The following DTNB variants were observed in gnomAD, a reference collection of about 807,000 sequenced individuals.
The protein encoded by DTNB is dystrobrevin beta, also known as DTN-B.
DTNB carries 63 observed loss-of-function variants against 90.7 expected under a neutral mutation model. The observed-to-expected ratio is 0.69, with a 90% CI of 0.57 to 0.86. The LOEUF (loss-of-function observed/expected upper bound fraction) is 0.86, where lower values mean the gene tolerates loss of function less well. Among genes scored for constraint, DTNB ranks in the 40% least tolerant of loss-of-function variants. The pLI is 0.00. For synonymous variants in DTNB, 277 were observed against 286.7 expected (o/e 0.97, Z 0.34); for missense variants, 744 against 807.1 (o/e 0.92, Z 0.95).
chr2:25,387,284 T>C lies in DTNB; in HGVS notation c.1825+5A>G. 6.2e-7 allele frequency: 1 copy of C among 1,607,998 alleles called. No individual in the cohort carries two copies. The highest frequency in any genetic ancestry group is 8.5e-7 in the Non-Finnish European group (1 of 1,176,798). ...AGGAAGCTGGCTGGGAGCTCTGGGT[T>C]TCACCTGAATGGAGCTCCTTCACCA... On this transcript the variant is annotated splice_donor_5th_base_variant and intron_variant, in intron 18 of 20. Transcript: ENST00000406818. This position sits in a 1 kb window ranked among gnomAD's most constrained non-coding sequence, Gnocchi z 4.5.
At chr2:25,499,929 T>C (rs1055274777) in intron 9 of DTNB, among the ~76,000 whole-genome samples, 4 of 152,340 alleles carry the variant, frequency 2.6e-5, no homozygotes, top group Admixed American at 2.0e-4. Flanking sequence ...AGGGTCTTGC[T>C]CTTTCACTCA....
chr2:25,413,448 A>C (rs550022122), intron 16 of DTNB, among the ~76,000 whole-genome samples: 1,489 of 117,410 alleles, frequency 0.013, 38 homozygotes, highest in African/African-American at 0.046. Context: ...CCGGTGTGTG[A>C]TGTTCCCCTT....
At chr2:25,620,940 C>A (rs1395127573) in intron 4 of DTNB, among the ~76,000 whole-genome samples, 6 of 152,196 alleles carry the variant, frequency 3.9e-5, no homozygotes, top group Non-Finnish European at 7.3e-5. Context: ...AGCAGGAGAA[C>A]TGCTTGAGCC....
rs1277656062 is a variant in DTNB, at chr2:25,424,678, T to C, written c.1554+2857A>G. Among the ~76,000 whole-genome samples the C allele has an allele frequency of 6.6e-6, 1 of 152,042 alleles. No homozygotes were observed. Among genetic ancestry groups the C allele is most frequent in the Non-Finnish European group, 1.5e-5 (1 of 67,978 alleles). ...GAGGTGAGTGGATCCCCTATTTTTT[T>C]TTTTTTTGAGACTGAGTCTTACTCT... On this transcript the variant is annotated intron_variant, in intron 15 of 20. Coordinates refer to ENST00000406818, the MANE Select transcript of DTNB (RefSeq NM_021907.5). This position sits in a 1 kb window ranked among gnomAD's most constrained non-coding sequence, Gnocchi z 4.1.
At chr2:25,497,068 T>A (rs566427721) in intron 9 of DTNB, among the ~76,000 whole-genome samples, 1 of 152,346 alleles carries the variant, frequency 6.6e-6, no homozygotes, top group South Asian at 2.1e-4. Context: ...ACGCTGCTGT[T>A]GTCTCTAAGG....
chr2:25,439,868 ACTT>A (rs1227011766), intron 12 of DTNB, among the ~76,000 whole-genome samples: 1 of 152,232 alleles, frequency 6.6e-6, no homozygotes, highest in East Asian at 1.9e-4. Flanking sequence ...TATCTAATAA[ACTT>A]ATTATACACC....
intron 4 of DTNB, among the ~76,000 whole-genome samples, chr2:25,614,079 A>G (rs540602554): frequency 1.3e-5 from 2 of 152,328 alleles, no homozygotes; most frequent in South Asian, 4.1e-4. Flanking sequence ...GACCAAAAAG[A>G]GAGAAAGGCG....
chr2:25,491,985 G>A (rs554898512), intron 9 of DTNB, among the ~76,000 whole-genome samples: 19 of 151,986 alleles, frequency 1.3e-4, no homozygotes, highest in Non-Finnish European at 2.5e-4. Flanking sequence ...GATTTGAACC[G>A]AGGCAGTGTG....
chr2:25,617,959 G>C (rs745911472), intron 4 of DTNB, among the ~76,000 whole-genome samples: 1 of 152,050 alleles, frequency 6.6e-6, no homozygotes, highest in Non-Finnish European at 1.5e-5. Flanking sequence ...ATAGTTATCC[G>C]ATAAAATTAA....
At chr2:25,450,966 G>A (rs952631841) in intron 12 of DTNB, among the ~76,000 whole-genome samples, 1 of 151,966 alleles carries the variant, frequency 6.6e-6, no homozygotes, top group Non-Finnish European at 1.5e-5. Context: ...TACCACACCT[G>A]GCTAATTTTT....
intron 16 of DTNB, among the ~76,000 whole-genome samples, chr2:25,413,749 T>C (rs1039062417): frequency 7.2e-5 from 11 of 152,236 alleles, no homozygotes; most frequent in African/African-American, 2.4e-4. Context: ...TACGTGTGCA[T>C]GTGTCTTTAT....
At position 25,419,629 on chromosome 2, in the gene DTNB, G is replaced by T. The variant is rs561683040; in HGVS notation, c.1555-94C>A. The T allele has an allele frequency of 5.1e-5, 76 of 1,490,052 alleles. No homozygotes were observed. In the African/African-American group the frequency reaches 1.0e-3, roughly 20 times the overall value. The allele number at this position is 1,490,052 out of a possible 1,614,324, so 92.3% of individuals were successfully genotyped here. A position where few individuals can be genotyped will look rare whatever the true frequency, so the allele number is the denominator to read the frequency against. The stretch of plus-strand genomic sequence containing the variant: ...ATCACCACAAACATTGGTCAGAAAT[G>T]ATAGAAAAATCAGGCAAACCAGGCC... On this transcript the variant is annotated intron_variant, in intron 15 of 20. Coordinates refer to ENST00000406818, the MANE Select transcript of DTNB (RefSeq NM_021907.5).
chr2:25,450,555 T>G (rs1054889315), intron 12 of DTNB, among the ~76,000 whole-genome samples: 22 of 152,216 alleles, frequency 1.4e-4, no homozygotes, highest in Admixed American at 1.4e-3. Flanking sequence ...CCAAATACAT[T>G]TTAAAAACAG....
At chr2:25,672,366 T>G (rs542325379) in intron 1 of DTNB, among the ~76,000 whole-genome samples, 5 of 152,166 alleles carry the variant, frequency 3.3e-5, no homozygotes, top group Non-Finnish European at 5.9e-5. Context: ...TAGACACTTA[T>G]GGCTCAACCG....
In DTNB at chr2:25,388,379, G is replaced by GA; in HGVS notation, c.1576-19dup. On this transcript the variant is annotated intron_variant, in intron 16 of 20. Coordinates refer to ENST00000406818, the MANE Select transcript of DTNB (RefSeq NM_021907.5). The stretch of plus-strand genomic sequence containing the variant: ...GCCTGAGCCTGGAGATTCAAAGACA[G>GA]AAAATACGTTATCTCAAGTACCTGA... 1.3e-6 allele frequency: 2 copies of GA among 1,586,844 alleles called. No homozygotes were observed. Among genetic ancestry groups the GA allele is most frequent in the Non-Finnish European group, 1.7e-6 (2 of 1,163,498 alleles).
intron 3 of DTNB, among the ~76,000 whole-genome samples, chr2:25,631,993 A>C (rs1201806597): frequency 6.6e-6 from 1 of 151,968 alleles, no homozygotes; most frequent in African/African-American, 2.4e-5. Context: ...TCAGGAGTTC[A>C]AGACCAGCCT....
rs139975865 is a variant in DTNB at position 25,398,617 on chromosome 2, C to A, written c.1576-10256G>T. Among the ~76,000 whole-genome samples, 716 of 152,312 alleles carry A rather than the reference C, an allele frequency of 4.7e-3. 7 individuals carry two copies. Among genetic ancestry groups the A allele is most frequent in the African/African-American group, 0.016 (662 of 41,554 alleles). On this transcript the variant is annotated intron_variant, in intron 16 of 20. Transcript: ENST00000406818. Reference sequence around the variant, plus strand: ...ACATCACGCAAGGGATGTCAACCAACTCTGTTCCTTGGTGGTTTTGACAAA... The same window carrying A: ...ACATCACGCAAGGGATGTCAACCAAATCTGTTCCTTGGTGGTTTTGACAAA...
At chr2:25,445,450 A>T (rs532860742) in intron 12 of DTNB, among the ~76,000 whole-genome samples, 99 of 152,356 alleles carry the variant, frequency 6.5e-4, no homozygotes, top group Non-Finnish European at 5.7e-4. Flanking sequence ...ACTCAAAGGG[A>T]TAAGTTACTT....
chr2:25,627,038 T>C lies in DTNB; in HGVS notation c.362+1133A>G, dbSNP rs76758168. On this transcript the variant is annotated intron_variant, in intron 4 of 20. Coordinates refer to ENST00000406818, the MANE Select transcript of DTNB (RefSeq NM_021907.5). ...CCGTTTTAATTGGAGTACATTTAAA[T>C]AGTTTTCTTCTTTTGTTTCAAGATC... 6.3e-3 allele frequency among the ~76,000 whole-genome samples: 955 copies of C among 152,374 alleles called. 5 individuals are homozygous for C. Among genetic ancestry groups the C allele is most frequent in the African/African-American group, 0.022 (902 of 41,598 alleles).
Sources: gnomAD v4.1 joint callset for allele counts (sites outside exome capture counted in the v4.1 genomes callset) on GRCh38, gnomAD v4.1.1 for gene constraint, Gnocchi (gnomAD v3.1) non-coding constraint, MANE v1.5 for transcripts, NCBI Gene and HGNC (gene_info 2026-07-23, HGNC 2026-07-21) for gene names.